EDN1: variants seen among roughly 807,000 people sequenced by gnomAD.
EDN1 encodes endothelin-1.
A neutral mutation model predicts 21.7 loss-of-function variants in EDN1; 11 were observed. The ratio of observed to expected loss-of-function variants is 0.51; its 90% CI spans 0.32 to 0.84. The LOEUF (loss-of-function observed/expected upper bound fraction) is 0.84, where lower values mean the gene tolerates loss of function less well. Ranked by LOEUF, EDN1 falls within the 40% of genes least tolerant of loss-of-function variation. The pLI is 0.03. For synonymous variants in EDN1, 85 were observed against 90.6 expected (o/e 0.94, Z 0.35); for missense variants, 244 against 262.3 (o/e 0.93, Z 0.48).
the EDN1 span, among the ~76,000 whole-genome samples, chr6:12,282,226 G>C: frequency 2.0e-5 from 3 of 152,160 alleles, no homozygotes; most frequent in Admixed American, 6.5e-5. Flanking sequence ...TGAAGCCACT[G>C]GTACAGAGAC....
the EDN1 span, among the ~76,000 whole-genome samples, chr6:12,268,033 G>A: frequency 1.5e-4 from 23 of 152,252 alleles, no homozygotes; most frequent in African/African-American, 4.8e-4. Context: ...TAAGCTCACC[G>A]TTTAGACCTA....
the EDN1 span, among the ~76,000 whole-genome samples, chr6:12,260,690 C>G: frequency 0.83 from 126,342 of 152,118 alleles, 52,615 homozygotes; most frequent in South Asian, 0.93. Flanking sequence ...TTTTGCCCCC[C>G]TGTCCCTCTG....
the EDN1 span, among the ~76,000 whole-genome samples, chr6:12,267,772 A>G: frequency 6.6e-6 from 1 of 152,226 alleles, no homozygotes; most frequent in South Asian, 2.1e-4. Context: ...TTGGAAGAAG[A>G]TGCTATCTAG....
chr6:12,244,522 C>T, the EDN1 span, among the ~76,000 whole-genome samples: 1 of 152,226 alleles, frequency 6.6e-6, no homozygotes, highest in Non-Finnish European at 1.5e-5. Flanking sequence ...CTTGAAGTGA[C>T]AGGCTCTCTA....
chr6:12,240,246 C>T, the EDN1 span, among the ~76,000 whole-genome samples: 25 of 152,118 alleles, frequency 1.6e-4, no homozygotes, highest in South Asian at 8.3e-4. Flanking sequence ...AAGAAAGGCG[C>T]GCACTTGGGA....
the EDN1 span, among the ~76,000 whole-genome samples, chr6:12,278,892 G>T: frequency 6.6e-6 from 1 of 151,900 alleles, no homozygotes; most frequent in Non-Finnish European, 1.5e-5. Flanking sequence ...GCGAGATTCC[G>T]TAAAAAAAAC....
chr6:12,242,798 TATA>T, the EDN1 span, among the ~76,000 whole-genome samples: 1 of 152,102 alleles, frequency 6.6e-6, no homozygotes, highest in African/African-American at 2.4e-5. Flanking sequence ...ATGGCCTGTA[TATA>T]ATATTTCTTC....
At chr6:12,268,987 T>A in the EDN1 span, among the ~76,000 whole-genome samples, 35,539 of 152,068 alleles carry the variant, frequency 0.23, 4,858 homozygotes, top group East Asian at 0.57. Context: ...TCCATTTATT[T>A]GTGTCCTCTT....
At chr6:12,277,650 A>G in the EDN1 span, among the ~76,000 whole-genome samples, 1 of 152,242 alleles carries the variant, frequency 6.6e-6, no homozygotes, top group Non-Finnish European at 1.5e-5. Flanking sequence ...GTGTTTCAGG[A>G]ATCGGCAGAG....
chr6:12,277,377 G>C, the EDN1 span, among the ~76,000 whole-genome samples: 27 of 152,192 alleles, frequency 1.8e-4, no homozygotes, highest in Admixed American at 1.8e-3. Context: ...ACCAGGTACT[G>C]TTCTATGTCG....
the EDN1 span, among the ~76,000 whole-genome samples, chr6:12,252,635 G>T: frequency 6.6e-6 from 1 of 152,180 alleles, no homozygotes; most frequent in Non-Finnish European, 1.5e-5. Flanking sequence ...CAAGGTGGGG[G>T]CCTGACTTCT....
chr6:12,255,616 C>A, the EDN1 span, among the ~76,000 whole-genome samples: 1 of 152,312 alleles, frequency 6.6e-6, no homozygotes, highest in East Asian at 1.9e-4. Flanking sequence ...CTGTGGAAGT[C>A]TGAAGAGACA....
At chr6:12,261,305 G>T in the EDN1 span, among the ~76,000 whole-genome samples, 1 of 152,232 alleles carries the variant, frequency 6.6e-6, no homozygotes, top group African/African-American at 2.4e-5. Context: ...GTCCACAACA[G>T]AGCCAACAGA....
chr6:12,251,332 C>G, the EDN1 span, among the ~76,000 whole-genome samples: 1 of 152,222 alleles, frequency 6.6e-6, no homozygotes, highest in African/African-American at 2.4e-5. Context: ...TGCTAAAAAT[C>G]AATAAAGCAA....
chr6:12,293,833 T>G, intron 2 of EDN1, 108 bp from the exon 3 acceptor site: 1 of 1,250,444 alleles, frequency 8.0e-7, no homozygotes, highest in Non-Finnish European at 1.1e-6. Context: ...TGCTCCCAAG[T>G]GCTATGTGAT....
the EDN1 span, among the ~76,000 whole-genome samples, chr6:12,279,952 CAATCAAATCAAAAGCAATTT>C: frequency 7.9e-5 from 12 of 151,950 alleles, no homozygotes; most frequent in African/African-American, 2.9e-4. Flanking sequence ...TAACTATAAG[CAATCAAATCAAAAGCAATTT>C]TGATGAAGAA....
At chr6:12,275,010 C>G in the EDN1 span, among the ~76,000 whole-genome samples, 1 of 140,434 alleles carries the variant, frequency 7.1e-6, no homozygotes, top group African/African-American at 2.6e-5. Flanking sequence ...CCCTCCCTTC[C>G]TTCCTTCCTT....
chr6:12,291,904 G>T (rs759085888), intron 1 of EDN1, among the ~76,000 whole-genome samples: 3 of 152,362 alleles, frequency 2.0e-5, no homozygotes, highest in Non-Finnish European at 2.9e-5. Flanking sequence ...TGGGGAAGTG[G>T]CCCCAAAGCT....
the EDN1 span, among the ~76,000 whole-genome samples, chr6:12,255,908 A>G: frequency 6.6e-5 from 10 of 152,242 alleles, no homozygotes; most frequent in African/African-American, 2.2e-4. Context: ...ATATGTTGGA[A>G]TGTCTCACAA....
Sources: gnomAD v4.1 joint callset for allele counts (sites outside exome capture counted in the v4.1 genomes callset) on GRCh38, gnomAD v4.1.1 for gene constraint, MANE v1.5 for transcripts, NCBI Gene and HGNC (gene_info 2026-07-23, HGNC 2026-07-21) for gene names.